The following CDH20 variants were observed in gnomAD, a reference collection of about 807,000 sequenced individuals.
The protein encoded by CDH20 is cadherin 20, also known as cadherin-20.
CDH20 carries 29 observed loss-of-function variants against 74.2 expected under a neutral mutation model. The observed-to-expected ratio is 0.39, with a 90% confidence interval of 0.29 to 0.53. The LOEUF is 0.53. CDH20 is among the 20% of genes least tolerant of loss of function. The probability of loss-of-function intolerance (pLI) is 0.69; values close to 1 mark genes in which losing one functional copy is unlikely to be tolerated. For synonymous variants in CDH20, 469 were observed against 405.4 expected (o/e 1.16, Z -1.88); for missense variants, 988 against 1,048.3 (o/e 0.94, Z 0.79).
intron 1 of CDH20, among the ~76,000 whole-genome samples, chr18:61,390,057 G>A (rs74637108): frequency 0.032 from 4,887 of 152,028 alleles, 91 homozygotes; most frequent in Non-Finnish European, 0.051. Context: ...GGAAAGACTC[G>A]TCTGCAGTCA....
chr18:61,472,188 T>C (rs188729946), intron 1 of CDH20, among the ~76,000 whole-genome samples: 296 of 152,118 alleles, frequency 1.9e-3, no homozygotes, highest in Non-Finnish European at 3.1e-3. Flanking sequence ...CCATACATCA[T>C]TTGCTGCTAA....
chr18:61,397,849 C>A (rs755836218), intron 1 of CDH20, among the ~76,000 whole-genome samples: 1 of 152,182 alleles, frequency 6.6e-6, no homozygotes, highest in Non-Finnish European at 1.5e-5. Flanking sequence ...CAATGCCTGG[C>A]ACATAGTAAG....
At chr18:61,525,494 A>T (rs1232302850) in intron 6 of CDH20, among the ~76,000 whole-genome samples, 1 of 152,170 alleles carries the variant, frequency 6.6e-6, no homozygotes, top group Non-Finnish European at 1.5e-5. Flanking sequence ...AGTCCTTCAA[A>T]TATATCATTA....
At chr18:61,461,610 G>T (rs1909778216) in intron 1 of CDH20, among the ~76,000 whole-genome samples, 1 of 152,158 alleles carries the variant, frequency 6.6e-6, no homozygotes, top group Admixed American at 6.5e-5. Flanking sequence ...GGGTGTCCAG[G>T]TTCTTGGCAT....
chr18:61,359,024 C>G (rs184723072), intron 1 of CDH20, among the ~76,000 whole-genome samples: 100 of 152,116 alleles, frequency 6.6e-4, no homozygotes, highest in African/African-American at 2.2e-3. Flanking sequence ...TTAAGTAGTT[C>G]CTCACAAACA....
chr18:61,413,281 G>A (rs1912572019), intron 1 of CDH20, among the ~76,000 whole-genome samples: 1 of 152,082 alleles, frequency 6.6e-6, no homozygotes, highest in South Asian at 2.1e-4. Flanking sequence ...CACACTAGGG[G>A]TTTTAGAAAA....
intron 2 of CDH20, among the ~76,000 whole-genome samples, chr18:61,494,403 A>C (rs1220428261): frequency 6.6e-6 from 1 of 152,176 alleles, no homozygotes; most frequent in Non-Finnish European, 1.5e-5. Context: ...ACCCCAACCA[A>C]GATACAAGAC....
At chr18:61,534,989 C>T (rs633110) in intron 7 of CDH20, among the ~76,000 whole-genome samples, 21,620 of 151,896 alleles carry the variant, frequency 0.14, 1,929 homozygotes, top group East Asian at 0.42. Context: ...CATTGTACGC[C>T]ATAAATATAT....
intron 1 of CDH20, among the ~76,000 whole-genome samples, chr18:61,387,054 G>T (rs1329186924): frequency 6.6e-6 from 1 of 152,040 alleles, no homozygotes; most frequent in Non-Finnish European, 1.5e-5. Context: ...GTATCCTGTG[G>T]GTGAATAATT....
At chr18:61,488,423 A>G (rs978237655) in intron 1 of CDH20, among the ~76,000 whole-genome samples, 5 of 152,178 alleles carry the variant, frequency 3.3e-5, no homozygotes, top group African/African-American at 1.2e-4. Context: ...TGACTGTTCA[A>G]ATGTCGGTTG....
At chr18:61,542,549 T>C (rs912321841) in intron 9 of CDH20, among the ~76,000 whole-genome samples, 1 of 152,194 alleles carries the variant, frequency 6.6e-6, no homozygotes, top group Non-Finnish European at 1.5e-5. Flanking sequence ...TGAGATGGGA[T>C]AGCCAGACCC....
intron 1 of CDH20, among the ~76,000 whole-genome samples, chr18:61,374,582 A>G (rs574544220): frequency 6.6e-6 from 1 of 152,248 alleles, no homozygotes; most frequent in African/African-American, 2.4e-5. Flanking sequence ...ATCGACTAGC[A>G]TTTTGCACAG....
intron 1 of CDH20, among the ~76,000 whole-genome samples, chr18:61,433,176 A>C (rs1908711686): frequency 6.6e-6 from 1 of 152,182 alleles, no homozygotes; most frequent in Non-Finnish European, 1.5e-5. Context: ...TCACATTATT[A>C]TATCAAGATT....
intron 1 of CDH20, among the ~76,000 whole-genome samples, chr18:61,369,490 T>C (rs773099244): frequency 2.0e-5 from 3 of 152,202 alleles, no homozygotes; most frequent in Non-Finnish European, 2.9e-5. Context: ...TTAGGCAATG[T>C]ATTTTAAAAG....
chr18:61,505,210 G>A (rs909296202), intron 5 of CDH20, among the ~76,000 whole-genome samples: 2 of 152,152 alleles, frequency 1.3e-5, no homozygotes, highest in African/African-American at 4.8e-5. Flanking sequence ...TTATTACATA[G>A]CTCAAAGGTA....
chr18:61,458,161 C>T (rs1014012029), intron 1 of CDH20, among the ~76,000 whole-genome samples: 2 of 152,112 alleles, frequency 1.3e-5, no homozygotes, highest in African/African-American at 4.8e-5. Flanking sequence ...CCTTCTCATT[C>T]CCTACAACCT....
intron 6 of CDH20, among the ~76,000 whole-genome samples, chr18:61,515,367 G>T (rs2535360): frequency 0.81 from 123,274 of 151,416 alleles, 50,533 homozygotes; most frequent in South Asian, 0.88. Flanking sequence ...GCTCGCGCAC[G>T]GTGCACGCAC....
intron 4 of CDH20, among the ~76,000 whole-genome samples, chr18:61,500,848 A>G (rs2144318847): frequency 6.6e-6 from 1 of 152,350 alleles, no homozygotes; most frequent in African/African-American, 2.4e-5. Flanking sequence ...GGATTGACAC[A>G]TTCACCTGGG....
intron 9 of CDH20, among the ~76,000 whole-genome samples, chr18:61,540,014 A>G (rs571146742): frequency 3.3e-5 from 5 of 152,340 alleles, no homozygotes; most frequent in African/African-American, 9.6e-5. Context: ...TGGTGTAATT[A>G]AGAAACATCT....
Sources: gnomAD v4.1 joint callset for allele counts (sites outside exome capture counted in the v4.1 genomes callset) on GRCh38, gnomAD v4.1.1 for gene constraint, MANE v1.5 for transcripts, NCBI Gene and HGNC (gene_info 2026-07-23, HGNC 2026-07-21) for gene names.